The following ELMO1 variants were observed in gnomAD, a reference collection of about 807,000 sequenced individuals.
The protein encoded by ELMO1 is engulfment and cell motility 1.
In ELMO1, 26 loss-of-function variants were observed where a neutral mutation model predicts 98.9. The ratio of observed to expected loss-of-function variants is 0.26; its 90% CI spans 0.19 to 0.36. The LOEUF is 0.36. Ranked by LOEUF, ELMO1 falls within the 10% of genes least tolerant of loss-of-function variation. The pLI, the probability that ELMO1 is intolerant of heterozygous loss-of-function variation, is 1.00. For synonymous variants in ELMO1, 346 were observed against 346.0 expected, an observed-to-expected ratio of 1.00 and a Z score of 0.00; for missense variants, 627 against 935.2, an observed-to-expected ratio of 0.67 and a Z score of 4.30.
At chr7:36,976,037 C>G (rs1345620261) in intron 16 of ELMO1, among the ~76,000 whole-genome samples, 3 of 152,166 alleles carry the variant, frequency 2.0e-5, no homozygotes, top group African/African-American at 7.2e-5. Context: ...AGCCGAAATA[C>G]TAAATATTTT....
chr7:37,413,028 A>T (rs1188053738), intron 1 of ELMO1, among the ~76,000 whole-genome samples: 1 of 152,188 alleles, frequency 6.6e-6, no homozygotes, highest in Non-Finnish European at 1.5e-5. Flanking sequence ...CACTAAAATT[A>T]TGAAAGAGAA....
chr7:36,935,510 T>C (rs1159100372), intron 16 of ELMO1, among the ~76,000 whole-genome samples: 2 of 152,206 alleles, frequency 1.3e-5, no homozygotes, highest in African/African-American at 4.8e-5. Flanking sequence ...ATCTGATATC[T>C]TGATCAAAGT....
intron 13 of ELMO1, among the ~76,000 whole-genome samples, chr7:37,201,534 TA>T (rs1792293627): frequency 6.6e-6 from 1 of 152,210 alleles, no homozygotes; most frequent in African/African-American, 2.4e-5. Context: ...TCCCATTTAA[TA>T]GGGGGGCCAG....
At chr7:37,363,064 T>C (rs904675294) in intron 1 of ELMO1, among the ~76,000 whole-genome samples, 2 of 152,230 alleles carry the variant, frequency 1.3e-5, no homozygotes, top group Non-Finnish European at 2.9e-5. Flanking sequence ...TCTGTTGCAG[T>C]AACCTGAAAT....
chr7:37,054,075 G>A (rs1796267483), intron 15 of ELMO1, among the ~76,000 whole-genome samples: 1 of 151,974 alleles, frequency 6.6e-6, no homozygotes, highest in South Asian at 2.1e-4. Flanking sequence ...CTTCCTCCAG[G>A]GAAATGATTC....
chr7:37,211,650 G>C, intron 12 of ELMO1, 133 bp from the exon 13 acceptor site: 5 of 1,222,998 alleles, frequency 4.1e-6, no homozygotes, highest in South Asian at 1.6e-5. Flanking sequence ...ACAGATAAAA[G>C]AGAACCAATG....
At chr7:37,283,157 G>A (rs1402576543) in intron 4 of ELMO1, among the ~76,000 whole-genome samples, 3 of 152,114 alleles carry the variant, frequency 2.0e-5, no homozygotes, top group Non-Finnish European at 2.9e-5. Context: ...CAAGCCTGAG[G>A]GAAAGGACAG....
chr7:37,028,929 T>C (rs1363860059), intron 15 of ELMO1, among the ~76,000 whole-genome samples: 3 of 152,228 alleles, frequency 2.0e-5, no homozygotes, highest in Admixed American at 6.5e-5. Context: ...GTGCTTAATA[T>C]ATAACAGCCA....
At chr7:37,026,384 G>T (rs545490085) in intron 15 of ELMO1, among the ~76,000 whole-genome samples, 2 of 152,288 alleles carry the variant, frequency 1.3e-5, no homozygotes, top group South Asian at 4.1e-4. Flanking sequence ...AAGCAATTCT[G>T]TATTGGATAA....
Position 36,958,859 on chromosome 7 carries a change from CT to C in ELMO1, c.1437+54439del, listed in dbSNP as rs139910908. Among the ~76,000 whole-genome samples, 878 of 152,084 alleles carry C rather than the reference CT, an allele frequency of 5.8e-3. 16 individuals are homozygous for C. The highest frequency in any genetic ancestry group is 0.02 in the African/African-American group (830 of 41,476). ...CCACTCACTCCCTAGGTGATCTGAT[CT>C]AGTATCAATTATGTGTGAACAACTA... On this transcript the variant is annotated intron_variant, in intron 16 of 21. Transcript: ENST00000310758.
intron 1 of ELMO1, among the ~76,000 whole-genome samples, chr7:37,395,367 C>CAAA (rs59452486): frequency 0.011 from 695 of 65,416 alleles, 22 homozygotes; most frequent in South Asian, 0.019. Flanking sequence ...AACTCCATCT[C>CAAA]AAAAAAAAAA....
chr7:36,880,327 C>A (rs1380529416), intron 18 of ELMO1, among the ~76,000 whole-genome samples: 1 of 152,080 alleles, frequency 6.6e-6, no homozygotes, highest in Non-Finnish European at 1.5e-5. Flanking sequence ...GGACTTGAAG[C>A]CAAGCCAATG....
At chr7:36,884,388 T>A (rs1229930813) in intron 18 of ELMO1, among the ~76,000 whole-genome samples, 2 of 152,190 alleles carry the variant, frequency 1.3e-5, no homozygotes, top group African/African-American at 4.8e-5. Context: ...AATGAATGTT[T>A]GATAATCTGC....
intron 1 of ELMO1, among the ~76,000 whole-genome samples, chr7:37,400,758 C>T (rs1803492302): frequency 6.6e-6 from 1 of 152,148 alleles, no homozygotes; most frequent in African/African-American, 2.4e-5. Context: ...TTCTTATCTC[C>T]CCGCTCCAGA....
intron 4 of ELMO1, among the ~76,000 whole-genome samples, chr7:37,279,773 A>G (rs1797045777): frequency 1.3e-5 from 2 of 152,308 alleles, no homozygotes; most frequent in South Asian, 2.1e-4. Context: ...ATAACTCCAC[A>G]GGGAGAAGGA....
intron 15 of ELMO1, among the ~76,000 whole-genome samples, chr7:37,042,644 C>T (rs1795584748): frequency 6.6e-6 from 1 of 152,164 alleles, no homozygotes; most frequent in Non-Finnish European, 1.5e-5. Flanking sequence ...CGTTCACTTC[C>T]AAAATCTGAG....
intron 16 of ELMO1, among the ~76,000 whole-genome samples, chr7:36,930,631 A>G (rs549550422): frequency 3.3e-4 from 50 of 152,260 alleles, no homozygotes; most frequent in Non-Finnish European, 6.8e-4. Context: ...GGATAAAATC[A>G]TCTTCTACAG....
rs1173625281 is a variant in ELMO1 at position 36,853,393 on chromosome 7, G to T, written c.*2158C>A. On this transcript the variant is annotated 3_prime_UTR_variant, in exon 22 of 22. Transcript: ENST00000310758. ...GACCTCAGAGATCCTGGTCCAGAAAGTTCCCTTTTTCATGGATTGGATCTT... is the reference window on the plus strand; with the variant it reads ...GACCTCAGAGATCCTGGTCCAGAAATTTCCCTTTTTCATGGATTGGATCTT... Among the ~76,000 whole-genome samples the T allele has an allele frequency of 6.6e-6, 1 of 152,156 alleles. No homozygotes were observed. The highest frequency in any genetic ancestry group is 1.5e-5 in the Non-Finnish European group (1 of 68,036).
chr7:37,096,854 C>T, intron 14 of ELMO1, 127 bp from the exon 15 acceptor site: 2 of 866,590 alleles, frequency 2.3e-6, no homozygotes, highest in Non-Finnish European at 3.7e-6. Flanking sequence ...CTCTTGGGGC[C>T]AGGACAAAAT....
Sources: gnomAD v4.1 joint callset for allele counts (sites outside exome capture counted in the v4.1 genomes callset) on GRCh38, gnomAD v4.1.1 for gene constraint, MANE v1.5 for transcripts, NCBI Gene and HGNC (gene_info 2026-07-23, HGNC 2026-07-21) for gene names.